Variants in SPRYD7 observed in about 807,000 individuals in gnomAD.
SPRYD7 encodes SPRY domain containing 7.
Under a neutral mutation model 23.8 loss-of-function variants are expected in SPRYD7, and 14 were observed. The observed-to-expected ratio is 0.59, with a 90% CI of 0.39 to 0.92. SPRYD7 has a LOEUF of 0.92. Ranked by LOEUF, SPRYD7 falls within the 40% of genes least tolerant of loss-of-function variation. The pLI is 0.00. For missense variants in SPRYD7, 194 were observed against 241.7 expected (o/e 0.80, Z 1.31); for synonymous variants, 75 against 84.9 (o/e 0.88, Z 0.64).
At chr13:49,915,610 T>C (rs1200247888) in intron 4 of SPRYD7, among the ~76,000 whole-genome samples, 2 of 152,178 alleles carry the variant, frequency 1.3e-5, no homozygotes, top group Non-Finnish European at 2.9e-5. Flanking sequence ...TGACTACAGC[T>C]CAACATCCAA....
chr13:49,929,882 C>T (rs1347521798), intron 2 of SPRYD7, among the ~76,000 whole-genome samples: 5 of 149,686 alleles, frequency 3.3e-5, no homozygotes, highest in East Asian at 4.0e-4. Flanking sequence ...CTCTGTCTTC[C>T]GGGTTCAGGC....
Position 49,915,176 on chromosome 13 carries a change from A to T in SPRYD7, c.494-16T>A. ...CTGTCATCAACTAAAGGATACAAAA[A>T]GAAAGAAAATAAATTAGAAGCAAAT... On this transcript the variant is annotated splice_polypyrimidine_tract_variant and intron_variant, in intron 4 of 4. Transcript: ENST00000361840. 7.6e-7 allele frequency: 1 copy of T among 1,309,046 alleles called. No homozygotes were observed. Among genetic ancestry groups the T allele is most frequent in the Non-Finnish European group, 1.1e-6 (1 of 942,344 alleles). The allele number at this position is 1,309,046 out of a possible 1,614,324, so 81.1% of individuals were successfully genotyped here.
At chr13:49,925,256 GTGGCACGCACT>G (rs1489520589) in intron 3 of SPRYD7, among the ~76,000 whole-genome samples, 51 of 152,102 alleles carry the variant, frequency 3.4e-4, no homozygotes, top group African/African-American at 1.2e-3. Flanking sequence ...GCCAGGCGTG[GTGGCACGCACT>G]TGTAGTCCCA....
At chr13:49,927,118 T>G (rs888213840) in intron 3 of SPRYD7, among the ~76,000 whole-genome samples, 12 of 151,948 alleles carry the variant, frequency 7.9e-5, no homozygotes, top group African/African-American at 2.9e-4. Flanking sequence ...CTCTGAAGAG[T>G]TTAATTAGGT....
At chr13:49,932,656 T>C (rs577915088) in intron 1 of SPRYD7, among the ~76,000 whole-genome samples, 2 of 152,166 alleles carry the variant, frequency 1.3e-5, no homozygotes, top group Non-Finnish European at 2.9e-5. Flanking sequence ...ATATTCGAAC[T>C]GTATGGGACT....
At chr13:49,921,051 G>A (rs1234986052) in intron 4 of SPRYD7, among the ~76,000 whole-genome samples, 2 of 152,144 alleles carry the variant, frequency 1.3e-5, no homozygotes, top group African/African-American at 4.8e-5. Flanking sequence ...CATACACGCT[G>A]ATATGGTTTG....
At position 49,913,545 on chromosome 13, in the gene SPRYD7, C is replaced by A. The variant is rs1489714881; in HGVS notation, c.*1518G>T. 6.6e-6 allele frequency: 1 copy of A among 151,412 alleles called. No homozygotes were observed. The highest frequency in any genetic ancestry group is 2.1e-4 in the South Asian group (1 of 4,812). 9.4% of individuals were successfully genotyped at this position (151,412 alleles called of 1,614,324 possible). ...TATTTTATTTTAATTTTTTTTGAGA[C>A]AGAGTCTCACTCTGTTGCCTAGGCT... On this transcript the variant is annotated 3_prime_UTR_variant, in exon 5 of 5. Coordinates refer to ENST00000361840, the MANE Select transcript of SPRYD7 (RefSeq NM_020456.4).
Position 49,915,179 on chromosome 13 carries a change from A to G in SPRYD7, c.494-19T>C. On this transcript the variant is annotated intron_variant, in intron 4 of 4. Transcript: ENST00000361840. ...TCATCAACTAAAGGATACAAAAAGA[A>G]AGAAAATAAATTAGAAGCAAATACT... 7.9e-7 allele frequency: 1 copy of G among 1,260,600 alleles called. No individual in the cohort carries two copies. 78.1% of individuals were successfully genotyped at this position (1,260,600 alleles called of 1,614,324 possible).
At chr13:49,919,400 T>C (rs1249306411) in intron 4 of SPRYD7, among the ~76,000 whole-genome samples, 1 of 151,982 alleles carries the variant, frequency 6.6e-6, no homozygotes, top group Non-Finnish European at 1.5e-5. Context: ...AAAAATTAGC[T>C]GGGTGTGGTG....
chr13:49,936,100 C>G (rs557331245), intron 1 of SPRYD7, 30 bp downstream of exon 1: 5 of 1,525,952 alleles, frequency 3.3e-6, no homozygotes, highest in African/African-American at 2.8e-5. Context: ...CCCCGTGAGC[C>G]GTTGGGTCTG....
In SPRYD7 at chr13:49,912,948, C is replaced by T. The variant is rs753620404; in HGVS notation, c.*2115G>A. ...ATAAAAAAGGATTTTGCAGGATTCT[C>T]TGAGCCTATGGGTCAAAAATAGCCC... On this transcript the variant is annotated 3_prime_UTR_variant, in exon 5 of 5. Coordinates refer to ENST00000361840, the MANE Select transcript of SPRYD7 (RefSeq NM_020456.4). 1 of 152,164 alleles carries T rather than the reference C, an allele frequency of 6.6e-6. No homozygotes were observed. Among genetic ancestry groups the T allele is most frequent in the Non-Finnish European group, 1.5e-5 (1 of 68,034 alleles). 9.4% of individuals were successfully genotyped at this position (152,164 alleles called of 1,614,324 possible).
At position 49,917,466 on chromosome 13, in the gene SPRYD7, TGA is replaced by T. The variant is rs564265782; in HGVS notation, c.494-2308_494-2307del. On this transcript the variant is annotated intron_variant, in intron 4 of 4. Coordinates refer to ENST00000361840, the MANE Select transcript of SPRYD7 (RefSeq NM_020456.4). Reference sequence around the variant, plus strand: ...ATGCAGTCTTTTTCTTTCTACAGGCTGAGTGTAAGAAGAGACAAAATGAATGA... The same window carrying T: ...ATGCAGTCTTTTTCTTTCTACAGGCTGTGTAAGAAGAGACAAAATGAATGA... 5.0e-3 allele frequency among the ~76,000 whole-genome samples: 764 copies of T among 152,238 alleles called. 6 individuals carry two copies. The highest frequency in any genetic ancestry group is 8.7e-3 in the Non-Finnish European group (590 of 68,032).
chr13:49,930,386 C>T (rs1402547897), intron 2 of SPRYD7, among the ~76,000 whole-genome samples: 1 of 151,978 alleles, frequency 6.6e-6, no homozygotes, highest in African/African-American at 2.4e-5. Flanking sequence ...TTGAGATCAG[C>T]CTGACCAACA....
intron 1 of SPRYD7, among the ~76,000 whole-genome samples, chr13:49,932,921 T>G (rs972347588): frequency 6.6e-6 from 1 of 152,234 alleles, no homozygotes; most frequent in African/African-American, 2.4e-5. Context: ...AAAGTACCTT[T>G]ATAAATAATT....
chr13:49,921,999 T>G (rs1955826690), intron 3 of SPRYD7, among the ~76,000 whole-genome samples: 1 of 152,166 alleles, frequency 6.6e-6, no homozygotes, highest in African/African-American at 2.4e-5. Context: ...CAGGACTTAC[T>G]ACCTGTCACT....
At chr13:49,919,700 C>A (rs1433017730) in intron 4 of SPRYD7, among the ~76,000 whole-genome samples, 1 of 130,296 alleles carries the variant, frequency 7.7e-6, no homozygotes, top group African/African-American at 3.0e-5. Flanking sequence ...GCACTCCAGT[C>A]TGGGTGACAG....
chr13:49,929,561 T>A (rs1194215954), intron 2 of SPRYD7, among the ~76,000 whole-genome samples: 1 of 152,172 alleles, frequency 6.6e-6, no homozygotes, highest in Non-Finnish European at 1.5e-5. Context: ...AGTGGCACGA[T>A]CTCGGCTCAC....
chr13:49,929,127 T>A (rs1955917675), intron 2 of SPRYD7, among the ~76,000 whole-genome samples: 1 of 152,048 alleles, frequency 6.6e-6, no homozygotes, highest in Admixed American at 6.6e-5. Flanking sequence ...TAAGCCACCA[T>A]GCCCCATTGA....
intron 1 of SPRYD7, among the ~76,000 whole-genome samples, chr13:49,934,591 A>G (rs1290396094): frequency 1.3e-5 from 2 of 151,950 alleles, no homozygotes; most frequent in African/African-American, 4.8e-5. Flanking sequence ...AAGAAGAAGA[A>G]AAAACTTCCA....
Sources: allele counts gnomAD v4.1 joint callset (sites outside exome capture counted in the v4.1 genomes callset), GRCh38; gene constraint gnomAD v4.1.1; transcripts MANE v1.5; gene names NCBI Gene and HGNC (gene_info 2026-07-23, HGNC 2026-07-21).